Variants in ATP13A4 observed in about 807,000 individuals in gnomAD.
The protein encoded by ATP13A4 is probable cation-transporting ATPase 13A4.
In ATP13A4, 114 loss-of-function variants were observed where a neutral mutation model predicts 142.5. The ratio of observed to expected loss-of-function variants is 0.80; its 90% CI spans 0.69 to 0.93. The LOEUF (loss-of-function observed/expected upper bound fraction) is 0.93. Among genes scored for constraint, ATP13A4 ranks in the 40% least tolerant of loss-of-function variants. The pLI, the probability that ATP13A4 is intolerant of heterozygous loss-of-function variation, is 0.00. For synonymous variants in ATP13A4, 488 were observed against 514.8 expected, an observed-to-expected ratio of 0.95 and a Z score of 0.70; for missense variants, 1,392 against 1,454.0, an observed-to-expected ratio of 0.96 and a Z score of 0.69.
At chr3:193,451,445 G>A (rs1717270849) in intron 17 of ATP13A4, among the ~76,000 whole-genome samples, 1 of 152,200 alleles carries the variant, frequency 6.6e-6, no homozygotes, top group Admixed American at 6.5e-5. Context: ...TGCTGTGTGA[G>A]CATGACTAAA....
intron 3 of ATP13A4, among the ~76,000 whole-genome samples, chr3:193,495,631 T>C (rs1377815639): frequency 6.6e-6 from 1 of 152,092 alleles, no homozygotes; most frequent in Non-Finnish European, 1.5e-5. Context: ...TCATACAAAA[T>C]TGGAAAATAT....
chr3:193,493,161 C>G lies in ATP13A4; in HGVS notation c.382-1G>C. ...TTTTCTGCACTTTGATGCATCTCAC[C>G]TGCAAAAGAAAAGTACTAAGAAAAC... is the stretch of plus-strand genomic sequence containing the variant. On this transcript the variant is annotated splice_acceptor_variant, in intron 3 of 29. Transcript: ENST00000342695. LOFTEE classifies it high-confidence loss of function. 6.2e-7 allele frequency: 1 copy of G among 1,611,964 alleles called. No homozygotes were observed. The highest frequency in any genetic ancestry group is 8.5e-7 in the Non-Finnish European group (1 of 1,179,362).
chr3:193,470,251 C>T (rs188194846), intron 9 of ATP13A4, among the ~76,000 whole-genome samples: 169 of 152,330 alleles, frequency 1.1e-3, no homozygotes, highest in African/African-American at 3.9e-3. Flanking sequence ...CCTCTCTGGA[C>T]CTCAGTTGCC....
chr3:193,408,652 A>G (rs905993522), intron 28 of ATP13A4, among the ~76,000 whole-genome samples: 2 of 152,242 alleles, frequency 1.3e-5, no homozygotes, highest in Non-Finnish European at 2.9e-5. Flanking sequence ...AGCTGCACAT[A>G]GCCAAGAAAT....
chr3:193,499,993 C>T (rs1031978733), intron 3 of ATP13A4, among the ~76,000 whole-genome samples: 1 of 152,174 alleles, frequency 6.6e-6, no homozygotes, highest in African/African-American at 2.4e-5. Context: ...TGGCTCCATC[C>T]TAGACCTTTT....
At chr3:193,457,769 C>A (rs1317931391) in intron 14 of ATP13A4, among the ~76,000 whole-genome samples, 1 of 152,228 alleles carries the variant, frequency 6.6e-6, no homozygotes, top group East Asian at 1.9e-4. Flanking sequence ...AAGCCATGCA[C>A]ATGAAGGGCC....
chr3:193,439,542 G>C (rs1716501832), intron 21 of ATP13A4, among the ~76,000 whole-genome samples: 1 of 152,192 alleles, frequency 6.6e-6, no homozygotes, highest in African/African-American at 2.4e-5. Flanking sequence ...ACAAGTCATA[G>C]TTGTTTGTGC....
intron 1 of ATP13A4, among the ~76,000 whole-genome samples, chr3:193,515,875 T>C (rs1305905138): frequency 6.6e-6 from 1 of 152,212 alleles, no homozygotes; most frequent in Non-Finnish European, 1.5e-5. Flanking sequence ...AGACCAAGAC[T>C]CTTTGGGTTC....
chr3:193,449,237 G>A (rs900382677), intron 17 of ATP13A4, among the ~76,000 whole-genome samples: 1 of 152,184 alleles, frequency 6.6e-6, no homozygotes, highest in African/African-American at 2.4e-5. Context: ...ATATTCTACA[G>A]AACTGAGTGC....
intron 2 of ATP13A4, among the ~76,000 whole-genome samples, chr3:193,504,881 T>A (rs562750397): frequency 6.6e-6 from 1 of 152,266 alleles, no homozygotes; most frequent in African/African-American, 2.4e-5. Context: ...TATTAACAAC[T>A]TTCATATGTT....
At chr3:193,462,866 A>G (rs1297755899) in intron 12 of ATP13A4, 43 bp from the exon 13 acceptor site, 1 of 1,598,914 alleles carries the variant, frequency 6.3e-7, no homozygotes, top group Admixed American at 1.7e-5. Flanking sequence ...AGATCCAGGC[A>G]AGGAGCGGTG....
At chr3:193,455,264 C>A (rs1717532102) in intron 16 of ATP13A4, among the ~76,000 whole-genome samples, 1 of 151,208 alleles carries the variant, frequency 6.6e-6, no homozygotes, top group East Asian at 1.9e-4. Context: ...TGGCGTGAAC[C>A]CGGGAGGCGG....
At chr3:193,439,124 A>C in intron 21 of ATP13A4, 59 bp from the exon 22 acceptor site, 1 of 1,500,112 alleles carries the variant, frequency 6.7e-7, no homozygotes, top group Non-Finnish European at 9.3e-7. Context: ...AATTTCTCTA[A>C]TTAAAAAAAC....
At chr3:193,539,864 A>G (rs986087222) in intron 1 of ATP13A4, among the ~76,000 whole-genome samples, 2 of 152,140 alleles carry the variant, frequency 1.3e-5, no homozygotes, top group Admixed American at 6.5e-5. Flanking sequence ...TTCTTTTGCT[A>G]TTTTCAGTTG....
rs143083239 is a variant in ATP13A4, at chr3:193,464,567, A to T, written c.1461+373T>A. On this transcript the variant is annotated intron_variant, in intron 12 of 29. Transcript: ENST00000342695. Reference sequence around the variant, plus strand: ...TTAATTCAATCGATATTTATTGCACACTAACTATATGCCAGGCAATATTCT... The same window carrying T: ...TTAATTCAATCGATATTTATTGCACTCTAACTATATGCCAGGCAATATTCT... 1.2e-3 allele frequency among the ~76,000 whole-genome samples: 177 copies of T among 152,316 alleles called. 1 individual carries two copies. Among genetic ancestry groups the T allele is most frequent in the African/African-American group, 3.9e-3 (162 of 41,590 alleles).
intron 25 of ATP13A4, among the ~76,000 whole-genome samples, chr3:193,423,943 G>T (rs982652028): frequency 6.7e-6 from 1 of 149,222 alleles, no homozygotes; most frequent in African/African-American, 2.5e-5. Flanking sequence ...GACTCCACCA[G>T]AAAACTAACA....
intron 2 of ATP13A4, among the ~76,000 whole-genome samples, chr3:193,577,103 C>A (rs1369609093): frequency 1.3e-5 from 2 of 152,292 alleles, no homozygotes; most frequent in African/African-American, 4.8e-5. Context: ...TCCTAAGAGG[C>A]CTCCTGGTTT....
chr3:193,539,183 A>ATT (rs1453570867), intron 1 of ATP13A4, among the ~76,000 whole-genome samples: 1 of 152,028 alleles, frequency 6.6e-6, no homozygotes, highest in East Asian at 1.9e-4. Flanking sequence ...ATAGGTGGCT[A>ATT]TTTTTCAAAG....
chr3:193,450,648 T>C (rs1717220758), intron 17 of ATP13A4, among the ~76,000 whole-genome samples: 2 of 152,078 alleles, frequency 1.3e-5, no homozygotes, highest in Non-Finnish European at 2.9e-5. Context: ...GCTTATAGGG[T>C]AAATGCACCT....
Sources: allele counts gnomAD v4.1 joint callset (sites outside exome capture counted in the v4.1 genomes callset), GRCh38; gene constraint gnomAD v4.1.1; transcripts MANE v1.5; gene names NCBI Gene and HGNC (gene_info 2026-07-23, HGNC 2026-07-21).